The following EXOC6 variants were observed in gnomAD, a reference collection of about 807,000 sequenced individuals.
EXOC6 encodes SEC15-like 1.
EXOC6 carries 60 observed loss-of-function variants against 112.5 expected under a neutral mutation model. The observed-to-expected ratio is 0.53, with a 90% CI of 0.43 to 0.66. The LOEUF (loss-of-function observed/expected upper bound fraction) is 0.66. EXOC6 is among the 30% of genes least tolerant of loss of function. The pLI, the probability that EXOC6 is intolerant of heterozygous loss-of-function variation, is 0.00. For synonymous variants in EXOC6, 295 were observed against 308.0 expected, an observed-to-expected ratio of 0.96 and a Z score of 0.44; for missense variants, 855 against 957.1, an observed-to-expected ratio of 0.89 and a Z score of 1.41.
chr10:93,015,014 A>G (rs1386053316), intron 20 of EXOC6, among the ~76,000 whole-genome samples: 1 of 151,928 alleles, frequency 6.6e-6, no homozygotes, highest in Non-Finnish European at 1.5e-5. Flanking sequence ...GGGTCATAGT[A>G]GGAAAGGAGG....
chr10:92,929,877 A>G (rs1241438854), intron 9 of EXOC6, among the ~76,000 whole-genome samples: 1 of 152,200 alleles, frequency 6.6e-6, no homozygotes, highest in Non-Finnish European at 1.5e-5. Flanking sequence ...AGTTTCAGAA[A>G]GAGGATAGAG....
At chr10:93,046,832 A>G (rs1452417055) in intron 20 of EXOC6, among the ~76,000 whole-genome samples, 1 of 152,068 alleles carries the variant, frequency 6.6e-6, no homozygotes, top group African/African-American at 2.4e-5. Context: ...TCCTGACCTC[A>G]GGTGGTCCGC....
At chr10:92,829,590 G>A (rs531411245) in intron 1 of EXOC6, among the ~76,000 whole-genome samples, 5 of 152,120 alleles carry the variant, frequency 3.3e-5, no homozygotes, top group Non-Finnish European at 7.3e-5. Context: ...ATTGTAGAGG[G>A]GGCACCTGTG....
intron 7 of EXOC6, among the ~76,000 whole-genome samples, chr10:92,917,161 T>G (rs1564828391): frequency 6.6e-6 from 1 of 152,076 alleles, no homozygotes; most frequent in Non-Finnish European, 1.5e-5. Context: ...GAGACGGGGT[T>G]TCACCATGCT....
intron 5 of EXOC6, among the ~76,000 whole-genome samples, chr10:92,907,104 C>T (rs1354328485): frequency 6.6e-6 from 1 of 152,062 alleles, no homozygotes; most frequent in African/African-American, 2.4e-5. Context: ...TCCCAGAAAG[C>T]AGAGTCTGAG....
intron 19 of EXOC6, 151 bp downstream of exon 19, chr10:92,997,766 T>A: frequency 1.9e-6 from 1 of 514,912 alleles, no homozygotes. Context: ...GCTAACTTCC[T>A]GAAACAGGAA....
At chr10:92,951,193 GGACTTAAGA>G (rs1305347668) in intron 14 of EXOC6, among the ~76,000 whole-genome samples, 1 of 152,110 alleles carries the variant, frequency 6.6e-6, no homozygotes, top group Non-Finnish European at 1.5e-5. Flanking sequence ...ACATGAATTT[GGACTTAAGA>G]GAAAGATTTG....
chr10:93,040,998 A>G (rs1465337584), intron 20 of EXOC6, among the ~76,000 whole-genome samples: 1 of 152,200 alleles, frequency 6.6e-6, no homozygotes, highest in Non-Finnish European at 1.5e-5. Context: ...TTAGATACAT[A>G]TCAAGTTGCT....
At chr10:92,842,271 A>G (rs538467014) in intron 1 of EXOC6, among the ~76,000 whole-genome samples, 18 of 150,096 alleles carry the variant, frequency 1.2e-4, no homozygotes, top group Non-Finnish European at 2.4e-4. Flanking sequence ...AGGCAGGAGA[A>G]TTGCTTGAAC....
intron 20 of EXOC6, among the ~76,000 whole-genome samples, chr10:93,053,179 C>T (rs1246724424): frequency 6.6e-6 from 1 of 152,136 alleles, no homozygotes; most frequent in Non-Finnish European, 1.5e-5. Flanking sequence ...CCCTTTTCTA[C>T]CCATCACACT....
intron 8 of EXOC6, among the ~76,000 whole-genome samples, chr10:92,920,335 C>G (rs1287370634): frequency 6.6e-6 from 1 of 152,144 alleles, no homozygotes; most frequent in African/African-American, 2.4e-5. Context: ...GTTACTTTTA[C>G]ATGTGTATTC....
At chr10:93,038,648 G>A (rs1223389156) in intron 20 of EXOC6, among the ~76,000 whole-genome samples, 2 of 152,138 alleles carry the variant, frequency 1.3e-5, no homozygotes, top group African/African-American at 4.8e-5. Context: ...TAAATTAGAA[G>A]CTTTTTCATG....
chr10:92,840,710 G>C (rs1192456944), intron 1 of EXOC6, among the ~76,000 whole-genome samples: 1 of 151,602 alleles, frequency 6.6e-6, no homozygotes, highest in Admixed American at 6.6e-5. Flanking sequence ...TGTCAGTCAG[G>C]CTTGAATACA....
intron 1 of EXOC6, among the ~76,000 whole-genome samples, chr10:92,886,013 A>G (rs546274199): frequency 7.3e-4 from 111 of 152,286 alleles, no homozygotes; most frequent in Non-Finnish European, 1.2e-3. Context: ...GAACTTGATT[A>G]GACTTAACAA....
intron 20 of EXOC6, among the ~76,000 whole-genome samples, chr10:93,024,836 T>G (rs1017546612): frequency 1.3e-5 from 2 of 152,228 alleles, no homozygotes; most frequent in African/African-American, 4.8e-5. Flanking sequence ...TGGCAAATGC[T>G]TTAAGGAAGA....
At chr10:93,003,423 C>T (rs1843841439) in intron 19 of EXOC6, among the ~76,000 whole-genome samples, 2 of 152,122 alleles carry the variant, frequency 1.3e-5, no homozygotes, top group Admixed American at 1.3e-4. Context: ...CATCTATGTG[C>T]TCATTTGTTT....
chr10:93,032,775 AG>A (rs1845329073), intron 20 of EXOC6, among the ~76,000 whole-genome samples: 1 of 152,200 alleles, frequency 6.6e-6, no homozygotes, highest in African/African-American at 2.4e-5. Flanking sequence ...AATTTCAAAT[AG>A]CTTTTAGATG....
chr10:92,909,764 GT>G, intron 6 of EXOC6, 133 bp downstream of exon 6: 1 of 607,182 alleles, frequency 1.6e-6, no homozygotes, highest in Non-Finnish European at 2.8e-6. Flanking sequence ...TCTGGTTATT[GT>G]TTAGAAAGGA....
chr10:92,879,399 C>T (rs1407009662), intron 1 of EXOC6, among the ~76,000 whole-genome samples: 4 of 152,130 alleles, frequency 2.6e-5, no homozygotes, highest in Non-Finnish European at 2.9e-5. Flanking sequence ...AGCCTGAGGT[C>T]GAACCTGTAG....
Sources: allele counts gnomAD v4.1 joint callset (sites outside exome capture counted in the v4.1 genomes callset), GRCh38; gene constraint gnomAD v4.1.1; transcripts MANE v1.5; gene names NCBI Gene and HGNC (gene_info 2026-07-23, HGNC 2026-07-21).